Variants in GLDC observed in about 807,000 individuals in gnomAD.
GLDC encodes the protein glycine dehydrogenase (decarboxylating), mitochondrial.
A neutral mutation model predicts 121.3 loss-of-function variants in GLDC; 104 were observed. The observed-to-expected ratio is 0.86, with a 90% CI of 0.73 to 1.01. The LOEUF (loss-of-function observed/expected upper bound fraction) is 1.01. Ranked by LOEUF, GLDC falls within the 50% of genes least tolerant of loss-of-function variation. The pLI is 0.00. For synonymous variants in GLDC, 546 were observed against 480.6 expected (o/e 1.14, Z -1.78); for missense variants, 1,429 against 1,306.6 (o/e 1.09, Z -1.44).
intron 2 of GLDC, among the ~76,000 whole-genome samples, chr9:6,637,179 C>T (rs555373181): frequency 2.6e-4 from 39 of 151,924 alleles, no homozygotes; most frequent in African/African-American, 8.9e-4. Context: ...CCGAGGCAGG[C>T]GGATCACTTG....
intron 16 of GLDC, among the ~76,000 whole-genome samples, chr9:6,562,443 C>T (rs1817777182): frequency 6.6e-6 from 1 of 152,154 alleles, no homozygotes; most frequent in South Asian, 2.1e-4. Context: ...TTGCTGGATT[C>T]CATTAGAATC....
chr9:6,603,234 TA>T (rs536858065), intron 7 of GLDC, among the ~76,000 whole-genome samples: 215 of 109,940 alleles, frequency 2.0e-3, no homozygotes, highest in African/African-American at 5.1e-3. Context: ...TCTCAAAAAA[TA>T]AAAAAAAAAA....
chr9:6,603,359 G>A (rs113808698), intron 7 of GLDC, among the ~76,000 whole-genome samples: 1 of 151,986 alleles, frequency 6.6e-6, no homozygotes, highest in Non-Finnish European at 1.5e-5. Context: ...CTTACACCTG[G>A]TAATCCGAGC....
intron 7 of GLDC, 69 bp downstream of exon 7, chr9:6,604,519 C>T (rs1818690099): frequency 5.1e-6 from 7 of 1,376,412 alleles, no homozygotes; most frequent in South Asian, 1.2e-5. Context: ...TAGAAATCAA[C>T]ATTTGTGATC....
At chr9:6,536,315 C>A (rs1387151244) in intron 22 of GLDC, 79 bp from the exon 23 acceptor site, 14 of 1,177,500 alleles carry the variant, frequency 1.2e-5, no homozygotes, top group East Asian at 1.0e-4. Flanking sequence ...CGTATCCCTT[C>A]TTATATTTTA....
intron 11 of GLDC, among the ~76,000 whole-genome samples, chr9:6,590,479 C>T (rs992697824): frequency 9.9e-5 from 15 of 152,140 alleles, no homozygotes; most frequent in African/African-American, 3.6e-4. Flanking sequence ...CCCATGAGAA[C>T]TGATGAGAAG....
intron 15 of GLDC, among the ~76,000 whole-genome samples, chr9:6,573,553 A>G (rs1818006138): frequency 6.6e-6 from 1 of 152,134 alleles, no homozygotes; most frequent in Non-Finnish European, 1.5e-5. Context: ...AAGAAGAAGA[A>G]AAAAGCGACC....
chr9:6,553,484 G>T lies in GLDC; in HGVS notation c.2341C>A (p.Pro781Thr). 1.2e-6 allele frequency: 2 copies of T among 1,613,580 alleles called. No individual in the cohort carries two copies. Among genetic ancestry groups the T allele is most frequent in the Non-Finnish European group, 1.7e-6 (2 of 1,179,858 alleles). ...TTTAGTGAAATGACGGGATGATTGG[G>T]CAAAAACGGGGCGAGATGTTTCTTC... The part of the protein sequence containing the change: ...GVKKHLAPFL[P>T]NHPVISLKRN... The change falls in exon 20 of 25, where the codon CCC becomes ACC. Residue 781 changes from proline to threonine, a missense_variant. By Grantham distance (38) the Pro-to-Thr change is conservative. Coordinates refer to ENST00000321612, the MANE Select transcript of GLDC (RefSeq NM_000170.3).
At chr9:6,639,010 GA>G (rs34196324) in intron 2 of GLDC, 16,690 of 378,162 alleles carry the variant, frequency 0.044, no homozygotes, top group South Asian at 0.063. Flanking sequence ...CTCTGTCTCA[GA>G]AAAAAAAAAA....
chr9:6,588,449 G>A lies in GLDC; in HGVS notation c.1666-7C>T, dbSNP rs1298989281. On this transcript the variant is annotated splice_polypyrimidine_tract_variant and splice_region_variant and intron_variant, in intron 13 of 24. Coordinates refer to ENST00000321612, the MANE Select transcript of GLDC (RefSeq NM_000170.3). ...GTTTCATGGTGCAGGATCCCTTTAAGAAGAACATCCAAAATGTATCACATT... is the reference window on the plus strand; with the variant it reads ...GTTTCATGGTGCAGGATCCCTTTAAAAAGAACATCCAAAATGTATCACATT... 5.0e-6 allele frequency: 8 copies of A among 1,609,518 alleles called. No individual in the cohort carries two copies. The highest frequency in any genetic ancestry group is 8.5e-7 in the Non-Finnish European group (1 of 1,175,932).
At chr9:6,645,067 G>C (rs963802114) in intron 1 of GLDC, among the ~76,000 whole-genome samples, 178 bp downstream of exon 1, 1 of 152,228 alleles carries the variant, frequency 6.6e-6, no homozygotes, top group African/African-American at 2.4e-5. Flanking sequence ...AAGCTGTTAA[G>C]AAGTAAGAAG....
At chr9:6,634,688 G>A (rs1819465564) in intron 2 of GLDC, among the ~76,000 whole-genome samples, 1 of 152,166 alleles carries the variant, frequency 6.6e-6, no homozygotes, top group African/African-American at 2.4e-5. Flanking sequence ...TGTAGCTCCA[G>A]GACTCCATGT....
At chr9:6,616,281 C>T (rs577531856) in intron 3 of GLDC, among the ~76,000 whole-genome samples, 73 of 152,300 alleles carry the variant, frequency 4.8e-4, no homozygotes, top group Middle Eastern at 3.4e-3. Flanking sequence ...TTAGTTACAT[C>T]TTTTCTGTCC....
chr9:6,615,317 G>C (rs563135711), intron 3 of GLDC, among the ~76,000 whole-genome samples: 1 of 152,000 alleles, frequency 6.6e-6, no homozygotes, highest in Non-Finnish European at 1.5e-5. Flanking sequence ...TACAGGCCAG[G>C]TGTGGTGGCT....
chr9:6,638,842 C>G (rs1268591615), intron 2 of GLDC, among the ~76,000 whole-genome samples: 1 of 151,938 alleles, frequency 6.6e-6, no homozygotes, highest in Non-Finnish European at 1.5e-5. Context: ...AACCCCGTCT[C>G]TACTAAAAAT....
intron 3 of GLDC, among the ~76,000 whole-genome samples, chr9:6,619,475 C>G (rs923227910): frequency 5.3e-5 from 8 of 152,118 alleles, no homozygotes; most frequent in Non-Finnish European, 2.9e-5. Flanking sequence ...TGCCTGTAAT[C>G]CCAGCACTTT....
At chr9:6,595,623 A>G (rs1818476911) in intron 8 of GLDC, among the ~76,000 whole-genome samples, 1 of 152,238 alleles carries the variant, frequency 6.6e-6, no homozygotes, top group Non-Finnish European at 1.5e-5. Flanking sequence ...AACTTCTGCC[A>G]ACCAAGAGTT....
intron 15 of GLDC, chr9:6,569,476 A>AC (rs1817912282): frequency 6.6e-6 from 1 of 151,698 alleles, no homozygotes; most frequent in Admixed American, 6.6e-5. Flanking sequence ...ATATGGTGAA[A>AC]CCCCATCTCT....
chr9:6,584,868 A>G (rs982954686), intron 15 of GLDC, among the ~76,000 whole-genome samples: 13 of 152,224 alleles, frequency 8.5e-5, no homozygotes, highest in African/African-American at 2.9e-4. Flanking sequence ...TACCCTCTGC[A>G]AGATTGGGAT....
Sources: allele counts gnomAD v4.1 joint callset (sites outside exome capture counted in the v4.1 genomes callset), GRCh38; gene constraint gnomAD v4.1.1; transcripts MANE v1.5; gene names NCBI Gene and HGNC (gene_info 2026-07-23, HGNC 2026-07-21).